Variants in NRG3 observed in about 807,000 individuals in gnomAD.
The protein encoded by NRG3 is pro-neuregulin-3, membrane-bound isoform.
NRG3 carries 31 observed loss-of-function variants against 66.9 expected under a neutral mutation model. The observed-to-expected ratio is 0.46, with a 90% CI of 0.35 to 0.63. NRG3 has a LOEUF of 0.63. Ranked by LOEUF, NRG3 falls within the 20% of genes least tolerant of loss-of-function variation. NRG3 has a pLI of 0.00. For missense variants in NRG3, 910 were observed against 878.9 expected (o/e 1.04, Z -0.45); for synonymous variants, 393 against 359.4 (o/e 1.09, Z -1.06).
intron 2 of NRG3, among the ~76,000 whole-genome samples, chr10:82,604,789 A>G (rs2047858716): frequency 6.6e-6 from 1 of 152,184 alleles, no homozygotes; most frequent in South Asian, 2.1e-4. Flanking sequence ...AACTGAACTT[A>G]AACAGGCAAA....
chr10:82,312,434 A>G (rs1015722719), intron 1 of NRG3, among the ~76,000 whole-genome samples: 1 of 152,216 alleles, frequency 6.6e-6, no homozygotes, highest in Non-Finnish European at 1.5e-5. Flanking sequence ...GCCATCAAGC[A>G]GGAGATAAAG....
chr10:82,203,795 T>C (rs1564660255), intron 1 of NRG3, among the ~76,000 whole-genome samples: 2 of 152,158 alleles, frequency 1.3e-5, no homozygotes, highest in Non-Finnish European at 2.9e-5. Context: ...CAATGAAAGT[T>C]GGATGGGTCA....
intron 1 of NRG3, among the ~76,000 whole-genome samples, chr10:82,090,214 T>A (rs2065945639): frequency 6.6e-6 from 1 of 152,250 alleles, no homozygotes; most frequent in African/African-American, 2.4e-5. Context: ...CTATATTTTT[T>A]ATTGAGAATA....
intron 2 of NRG3, among the ~76,000 whole-genome samples, chr10:82,392,713 G>T (rs2086461568): frequency 6.6e-6 from 1 of 152,004 alleles, no homozygotes; most frequent in African/African-American, 2.4e-5. Context: ...ATATTATGGA[G>T]ACCTGGAAGA....
chr10:82,090,395 A>C (rs1564551492), intron 1 of NRG3, among the ~76,000 whole-genome samples: 1 of 152,222 alleles, frequency 6.6e-6, no homozygotes, highest in Admixed American at 6.5e-5. Context: ...TATGTGCTAC[A>C]CTTTATTTAA....
chr10:82,984,274 A>T (rs1349371456), intron 8 of NRG3, among the ~76,000 whole-genome samples: 1 of 152,218 alleles, frequency 6.6e-6, no homozygotes, highest in Non-Finnish European at 1.5e-5. Flanking sequence ...CAAGAAGGGA[A>T]CTTAGAAGAT....
chr10:82,920,647 G>T (rs112473717), intron 4 of NRG3, among the ~76,000 whole-genome samples: 111 of 152,080 alleles, frequency 7.3e-4, no homozygotes, highest in African/African-American at 2.5e-3. Context: ...AAAATAAGTG[G>T]CTTATTCTAG....
At chr10:81,981,029 G>A (rs1028101314) in intron 1 of NRG3, among the ~76,000 whole-genome samples, 1 of 152,296 alleles carries the variant, frequency 6.6e-6, no homozygotes, top group Non-Finnish European at 1.5e-5. Flanking sequence ...TATGCATGAA[G>A]GGAGCATAAA....
intron 2 of NRG3, among the ~76,000 whole-genome samples, chr10:82,495,638 T>C (rs1843556856): frequency 6.6e-6 from 1 of 151,976 alleles, no homozygotes; most frequent in African/African-American, 2.4e-5. Flanking sequence ...ACTTAAAGGG[T>C]CTTCTTTACA....
At chr10:82,832,570 G>T (rs2062579108) in intron 3 of NRG3, among the ~76,000 whole-genome samples, 1 of 152,110 alleles carries the variant, frequency 6.6e-6, no homozygotes, top group African/African-American at 2.4e-5. Flanking sequence ...ATGAAATGTG[G>T]TCAAAGATTT....
chr10:82,453,186 A>G (rs1378613391), intron 2 of NRG3, among the ~76,000 whole-genome samples: 1 of 152,172 alleles, frequency 6.6e-6, no homozygotes, highest in East Asian at 1.9e-4. Flanking sequence ...ATGTGAGCTG[A>G]AAAATGCTAC....
intron 1 of NRG3, among the ~76,000 whole-genome samples, chr10:82,332,323 G>A (rs927095368): frequency 1.1e-4 from 16 of 152,136 alleles, no homozygotes; most frequent in African/African-American, 3.9e-4. Context: ...GTGTAGCATC[G>A]TGACACCACC....
chr10:82,269,976 C>A (rs1441610466), intron 1 of NRG3, among the ~76,000 whole-genome samples: 4 of 152,142 alleles, frequency 2.6e-5, no homozygotes, highest in Middle Eastern at 6.3e-3. Context: ...TCTGATTCCT[C>A]TTCTGTAAAA....
intron 1 of NRG3, among the ~76,000 whole-genome samples, chr10:81,878,391 T>G (rs2132447840): frequency 6.6e-6 from 1 of 152,288 alleles, no homozygotes; most frequent in Middle Eastern, 3.4e-3. Context: ...CAAGGGAAAT[T>G]TTAAGGAAAA....
At chr10:82,559,528 G>A (rs2044884536) in intron 2 of NRG3, among the ~76,000 whole-genome samples, 1 of 152,174 alleles carries the variant, frequency 6.6e-6, no homozygotes, top group East Asian at 1.9e-4. Context: ...TGTATGAAGA[G>A]TGGTCTTAGT....
chr10:82,325,327 A>G (rs2081810341), intron 1 of NRG3, among the ~76,000 whole-genome samples: 1 of 151,918 alleles, frequency 6.6e-6, no homozygotes, highest in South Asian at 2.1e-4. Context: ...GACTGCAGGC[A>G]TGTGCTACTG....
intron 2 of NRG3, among the ~76,000 whole-genome samples, chr10:82,621,057 A>T (rs115593821): frequency 0.012 from 1,875 of 152,204 alleles, 38 homozygotes; most frequent in African/African-American, 0.042. Flanking sequence ...GAGCTTAATT[A>T]ATTGCCCAGT....
At chr10:82,959,192 C>CTTA in intron 6 of NRG3, 117 bp downstream of exon 6, 1 of 1,210,116 alleles carries the variant, frequency 8.3e-7, no homozygotes, top group Middle Eastern at 2.1e-4. Context: ...TAGGGTTTTG[C>CTTA]TTAAATCGTT....
At chr10:82,932,535 A>C (rs1307181638) in intron 4 of NRG3, among the ~76,000 whole-genome samples, 1 of 152,122 alleles carries the variant, frequency 6.6e-6, no homozygotes, top group East Asian at 1.9e-4. Flanking sequence ...CTAGTAGTGT[A>C]TGTGGATGGC....
Sources: allele counts gnomAD v4.1 joint callset (sites outside exome capture counted in the v4.1 genomes callset), GRCh38; gene constraint gnomAD v4.1.1; transcripts MANE v1.5; gene names NCBI Gene and HGNC (gene_info 2026-07-23, HGNC 2026-07-21).